NR3C1: variants seen among roughly 807,000 people sequenced by gnomAD.
NR3C1 encodes glucocorticoid receptor.
In NR3C1, 14 loss-of-function variants were observed where a neutral mutation model predicts 74.0. The ratio of observed to expected loss-of-function variants is 0.19; its 90% CI spans 0.12 to 0.30. The LOEUF (loss-of-function observed/expected upper bound fraction) is 0.30. Ranked by LOEUF, NR3C1 falls within the 10% of genes least tolerant of loss-of-function variation. NR3C1 has a pLI of 1.00. For missense variants in NR3C1, 695 were observed against 909.8 expected, an observed-to-expected ratio of 0.76 and a Z score of 3.04; for synonymous variants, 308 against 332.5, an observed-to-expected ratio of 0.93 and a Z score of 0.80.
Position 143,350,904 on chromosome 5 carries a change from G to A in NR3C1, c.1185-36736C>T, listed in dbSNP as rs13356889. ...GGGCTGGTGCCAACAGTAGGTTACTGGAAAGTGCCCACTGAATTTAAGGAC... is the reference window on the plus strand; with the variant it reads ...GGGCTGGTGCCAACAGTAGGTTACTAGAAAGTGCCCACTGAATTTAAGGAC... On this transcript the variant is annotated intron_variant, in intron 2 of 8. Coordinates refer to ENST00000394464, the MANE Select transcript of NR3C1 (RefSeq NM_000176.3). Among the ~76,000 whole-genome samples, 669 of 152,242 alleles carry A rather than the reference G, an allele frequency of 4.4e-3. 2 individuals are homozygous for A. The highest frequency in any genetic ancestry group is 0.015 in the African/African-American group (637 of 41,530).
chr5:143,415,714 A>G (rs868477635), intron 1 of NR3C1, among the ~76,000 whole-genome samples: 14 of 152,278 alleles, frequency 9.2e-5, no homozygotes, highest in Middle Eastern at 3.4e-3. Flanking sequence ...CCATGCTGCA[A>G]TGAATATTTT....
At position 143,400,284 on chromosome 5, in the gene NR3C1, T is replaced by G. The variant is rs369870123; in HGVS notation, c.556A>C (p.Thr186Pro). The change falls in exon 2 of 9, where the codon ACA (threonine) becomes CCA (proline). Residue 186 changes from threonine to proline, a missense_variant. This residue lies in a region of NR3C1 where 497 missense variants were observed against 489.5 expected (regional missense o/e 1.02). Coordinates refer to ENST00000394464, the MANE Select transcript of NR3C1 (RefSeq NM_000176.3). ...TNGGNVKLYT[T>P]DQSTFDILQD... ...AAAATGTCAAAGGTGCTTTGGTCTG[T>G]GGTATACAATTTCACATTGCCACCG... 4 of 1,607,388 alleles carry G rather than the reference T, an allele frequency of 2.5e-6. No individual in the cohort carries two copies. The highest frequency in any genetic ancestry group is 3.4e-6 in the Non-Finnish European group (4 of 1,176,666).
chr5:143,371,904 C>T (rs776809485), intron 2 of NR3C1, among the ~76,000 whole-genome samples: 1 of 152,194 alleles, frequency 6.6e-6, no homozygotes, highest in African/African-American at 2.4e-5. Flanking sequence ...TCTTCTCCAA[C>T]CTCTTCCCCA....
chr5:143,314,248 TAGTC>T (rs1561543681), intron 2 of NR3C1, 80 bp from the exon 3 acceptor site: 3 of 1,437,280 alleles, frequency 2.1e-6, no homozygotes, highest in South Asian at 1.2e-5. Context: ...TCTCACTTCA[TAGTC>T]AGAATGCTCA....
chr5:143,421,073 C>T (rs1366010654), intron 1 of NR3C1, among the ~76,000 whole-genome samples: 1 of 152,030 alleles, frequency 6.6e-6, no homozygotes, highest in East Asian at 1.9e-4. Context: ...TTGATTAACC[C>T]TAGTTTGGGA....
rs374706517 is a variant in NR3C1 at position 143,399,847 on chromosome 5, C to G, written c.993G>C (p.Met331Ile). Residue 331 changes from methionine to isoleucine, a missense_variant, in exon 2 of 9, where the codon ATG becomes ATC. Around this residue, in one of 4 missense-constraint regions of NR3C1, gnomAD observed 497 missense variants for 489.5 expected, o/e 1.02. Coordinates refer to ENST00000394464, the MANE Select transcript of NR3C1 (RefSeq NM_000176.3). ...ATGCTGTATTCATGTCATAGTGGTA[C>G]ATCTGTCCTCCAGAGGTACTCACAC... is the stretch of plus-strand genomic sequence containing the variant. ...VHGVSTSGGQ[M>I]YHYDMNTASL... 25 of 1,614,188 alleles carry G rather than the reference C, an allele frequency of 1.5e-5. No homozygotes were observed. The African/African-American group carries it at 3.1e-4, about 20-fold the overall frequency.
upstream of NR3C1, chr5:143,403,842 C>G (rs1224734740): frequency 5.2e-6 from 5 of 969,626 alleles, no homozygotes; most frequent in South Asian, 1.4e-4. Context: ...CCACGCCCTC[C>G]GCGCGGGCCC....
chr5:143,396,567 T>C (rs774884270), intron 2 of NR3C1, among the ~76,000 whole-genome samples: 1 of 151,866 alleles, frequency 6.6e-6, no homozygotes, highest in Non-Finnish European at 1.5e-5. Flanking sequence ...ATTTGCTTCA[T>C]TCATTCTGTA....
Position 143,427,593 on chromosome 5 carries a change from C to T in NR3C1, c.-14+6939G>A, listed in dbSNP as rs561133923. Among the ~76,000 whole-genome samples the T allele has an allele frequency of 4.6e-5, 7 of 152,220 alleles. No homozygotes were observed. In the South Asian group the frequency reaches 1.0e-3, roughly 23 times the overall value. On this transcript the variant is annotated intron_variant, in intron 1 of 8. Transcript: ENST00000343796. Reference sequence around the variant, plus strand: ...AGTGTTGTAAACAAACATGGAGGACCTGCTAGCAATACCGTTCTTCTGCAA... The same window carrying T: ...AGTGTTGTAAACAAACATGGAGGACTTGCTAGCAATACCGTTCTTCTGCAA...
chr5:143,381,186 T>C (rs188171714), intron 2 of NR3C1, among the ~76,000 whole-genome samples: 20 of 152,234 alleles, frequency 1.3e-4, no homozygotes, highest in Admixed American at 1.3e-3. Flanking sequence ...TAATCTCATT[T>C]ACAATAGCTA....
intron 2 of NR3C1, among the ~76,000 whole-genome samples, chr5:143,387,415 T>C (rs952173748): frequency 6.6e-6 from 1 of 152,230 alleles, no homozygotes; most frequent in Admixed American, 6.5e-5. Flanking sequence ...TAATCACTCA[T>C]ATATTTATGT....
At chr5:143,380,934 G>C (rs747694758) in intron 2 of NR3C1, among the ~76,000 whole-genome samples, 1 of 152,116 alleles carries the variant, frequency 6.6e-6, no homozygotes, top group African/African-American at 2.4e-5. Flanking sequence ...GGAAGTACTG[G>C]AAGACCTACC....
chr5:143,311,694 T>TGGA lies in NR3C1; in HGVS notation c.1352-1484_1352-1482dup, dbSNP rs113693880. 4.2e-4 allele frequency among the ~76,000 whole-genome samples: 64 copies of TGGA among 152,186 alleles called. 1 individual carries two copies. The highest frequency in any genetic ancestry group is 1.5e-3 in the African/African-American group (61 of 41,526). On this transcript the variant is annotated intron_variant, in intron 3 of 8. Coordinates refer to ENST00000394464, the MANE Select transcript of NR3C1 (RefSeq NM_000176.3). ...CAAGTTCTTGCTACGTTGCCTAGGC[T>TGGA]GGAGTACAGTGGTGTGTCATAGCTC... is the stretch of plus-strand genomic sequence containing the variant.
chr5:143,413,239 G>C (rs1352281107), intron 1 of NR3C1, among the ~76,000 whole-genome samples: 1 of 152,148 alleles, frequency 6.6e-6, no homozygotes, highest in Non-Finnish European at 1.5e-5. Flanking sequence ...TTAGGAAAAT[G>C]GGTGTGGATA....
intron 1 of NR3C1, among the ~76,000 whole-genome samples, chr5:143,416,707 G>A (rs1332404348): frequency 1.3e-5 from 2 of 152,104 alleles, no homozygotes; most frequent in African/African-American, 4.8e-5. Flanking sequence ...AAGAGACAGG[G>A]AGGTTAAGGT....
intron 1 of NR3C1, among the ~76,000 whole-genome samples, chr5:143,402,988 G>GC (rs1367707462): frequency 6.7e-6 from 1 of 149,604 alleles, no homozygotes; most frequent in Non-Finnish European, 1.5e-5. Context: ...CTCCCCCTCG[G>GC]CCCGGCCAGG....
Position 143,391,697 on chromosome 5 carries a change from G to GA in NR3C1, c.1184+7958dup, listed in dbSNP as rs1009797179. 4.6e-3 allele frequency among the ~76,000 whole-genome samples: 677 copies of GA among 148,676 alleles called. 2 individuals carry two copies. Among genetic ancestry groups the GA allele is most frequent in the African/African-American group, 0.016 (637 of 40,596 alleles). ...GGCGCTTTCAAAAAATAATAAAACT[G>GA]AAAAAAAAAATCATTGTGAAGATAC... On this transcript the variant is annotated intron_variant, in intron 2 of 8. Transcript: ENST00000394464.
intron 4 of NR3C1, among the ~76,000 whole-genome samples, chr5:143,308,598 A>T (rs907900590): frequency 6.6e-6 from 1 of 152,166 alleles, no homozygotes; most frequent in African/African-American, 2.4e-5. Flanking sequence ...GTCTTTGTAA[A>T]ATACAAATCT....
rs765668956 is a variant in NR3C1, at chr5:143,399,664, G to A, written c.1176C>T (p.Gly392=). The change falls in exon 2 of 9, where the codon GGC becomes GGT. Residue 392 remains glycine, a synonymous_variant. Transcript: ENST00000394464. ...NFPGRTVFSN[G]YSSPSMRPDV... ...AAAAACACTGATCTTACCTTGAATA[G>A]CCATTAGAAAAAACTGTTCGACCAG... 5.6e-6 allele frequency: 9 copies of A among 1,607,936 alleles called. No individual in the cohort carries two copies. The Admixed American group carries it at 1.5e-4, about 27-fold the overall frequency.
Sources: gnomAD v4.1 joint callset for allele counts (sites outside exome capture counted in the v4.1 genomes callset) on GRCh38, gnomAD v4.1.1 for gene constraint, gnomAD v4.1.1 regional missense constraint, MANE v1.5 for transcripts, NCBI Gene and HGNC (gene_info 2026-07-23, HGNC 2026-07-21) for gene names.